Variants in BCAS3 observed in about 807,000 individuals in gnomAD.
BCAS3 encodes the protein BCAS3 microtubule associated cell migration factor, also known as BCAS4/BCAS3 fusion.
Under a neutral mutation model 116.1 loss-of-function variants are expected in BCAS3, and 53 were observed. The ratio of observed to expected loss-of-function variants is 0.46; its 90% CI spans 0.37 to 0.57. The LOEUF (loss-of-function observed/expected upper bound fraction) is 0.57, where lower values mean the gene tolerates loss of function less well. Among genes scored for constraint, BCAS3 ranks in the 20% least tolerant of loss-of-function variants. BCAS3 has a pLI of 0.00. For missense variants in BCAS3, 917 were observed against 1,165.4 expected (o/e 0.79, Z 3.10); for synonymous variants, 391 against 408.2 (o/e 0.96, Z 0.51).
Position 61,368,327 on chromosome 17 carries a change from G to T in BCAS3, c.2426G>T (p.Gly809Val), listed in dbSNP as rs775141966. 3 of 1,592,158 alleles carry T rather than the reference G, an allele frequency of 1.9e-6. No homozygotes were observed. The highest frequency in any genetic ancestry group is 2.6e-6 in the Non-Finnish European group (3 of 1,163,192). The change falls in exon 23 of 24, where the codon GGT (glycine) becomes GTT (valine). Residue 809 changes from glycine to valine, a missense_variant and splice_region_variant. Coordinates refer to ENST00000407086, the MANE Select transcript of BCAS3 (RefSeq NM_017679.5). The surrounding 1 kb of genome is among the most constrained non-coding windows in gnomAD (Gnocchi z 6.0). ...GVSTVIDAASGTFDRSVTLLE... is the reference protein window; with the variant it reads ...GVSTVIDAASVTFDRSVTLLE... The stretch of plus-strand genomic sequence containing the variant: ...GTCAGATGTCCCGTGTGTGCCACAG[G>T]TACCTTTGACAGGAGCGTGACCCTG...
chr17:61,003,350 T>A (rs2064397708), intron 15 of BCAS3, among the ~76,000 whole-genome samples: 1 of 151,464 alleles, frequency 6.6e-6, no homozygotes, highest in South Asian at 2.1e-4. Context: ...ATTTTGAAGC[T>A]TTTTTGTGCT....
At position 60,774,294 on chromosome 17, in the gene BCAS3, T is replaced by G. The variant is rs902618397; in HGVS notation, c.403+27015T>G. 5.3e-5 allele frequency among the ~76,000 whole-genome samples: 8 copies of G among 152,302 alleles called. 1 individual carries two copies. The South Asian group carries it at 1.7e-3, about 32-fold the overall frequency. On this transcript the variant is annotated intron_variant, in intron 6 of 23. Transcript: ENST00000407086. Reference sequence around the variant, plus strand: ...AGACACTGCATTTTTCACTTACAATTTGCGTGTACATGTGCATGTGTGTGT... The same window carrying G: ...AGACACTGCATTTTTCACTTACAATGTGCGTGTACATGTGCATGTGTGTGT...
Position 60,978,643 on chromosome 17 carries a change from G to A in BCAS3, c.1222-11328G>A, listed in dbSNP as rs1461249522. Among the ~76,000 whole-genome samples the A allele has an allele frequency of 2.6e-5, 4 of 152,280 alleles. No homozygotes were observed. In the South Asian group the frequency reaches 6.2e-4, roughly 24 times the overall value. On this transcript the variant is annotated intron_variant, in intron 14 of 23. Coordinates refer to ENST00000407086, the MANE Select transcript of BCAS3 (RefSeq NM_017679.5). ...GGGTTTTTATGGTTTTAGGTCTAATGTTTAAGTCTTTAATCCATCCTGAAT... is the reference window on the plus strand; with the variant it reads ...GGGTTTTTATGGTTTTAGGTCTAATATTTAAGTCTTTAATCCATCCTGAAT...
At position 61,380,691 on chromosome 17, in the gene BCAS3, G is replaced by A; in HGVS notation, c.2594-11286G>A. The A allele has an allele frequency of 2.3e-6, 2 of 887,684 alleles. No individual in the cohort carries two copies. The highest frequency in any genetic ancestry group is 1.8e-6 in the Non-Finnish European group (1 of 562,052). 55.0% of individuals were successfully genotyped at this position (887,684 alleles called of 1,614,324 possible). On this transcript the variant is annotated intron_variant, in intron 23 of 23. Transcript: ENST00000407086. The surrounding 1 kb of genome is among the most constrained non-coding windows in gnomAD (Gnocchi z 4.2). Reference sequence around the variant, plus strand: ...GCCCAGGAGCACTCTAGGGAGGGCAGGGGTCAGCTCAGATGGGAGGTCTCT... The same window carrying A: ...GCCCAGGAGCACTCTAGGGAGGGCAAGGGTCAGCTCAGATGGGAGGTCTCT...
rs886139143 is a variant in BCAS3, at chr17:60,829,307, A to G, written c.476+21231A>G. Among the ~76,000 whole-genome samples, 3 of 152,076 alleles carry G rather than the reference A, an allele frequency of 2.0e-5. No homozygotes were observed. In the East Asian group the frequency reaches 5.8e-4, roughly 29 times the overall value. On this transcript the variant is annotated intron_variant, in intron 7 of 23. Coordinates refer to ENST00000407086, the MANE Select transcript of BCAS3 (RefSeq NM_017679.5). ...CAGGAGTTCAAGACCAGCCTGGCCAACATGGTGAAACCCTCTCTCTACTAA... is the reference window on the plus strand; with the variant it reads ...CAGGAGTTCAAGACCAGCCTGGCCAGCATGGTGAAACCCTCTCTCTACTAA...
At chr17:60,892,983 T>C (rs1247367125) in intron 10 of BCAS3, among the ~76,000 whole-genome samples, 1 of 151,996 alleles carries the variant, frequency 6.6e-6, no homozygotes, top group African/African-American at 2.4e-5. Flanking sequence ...CTTGGTGTGG[T>C]TTTAAGTTGC....
chr17:60,775,903 T>C (rs8078754), intron 6 of BCAS3, among the ~76,000 whole-genome samples: 35,264 of 152,072 alleles, frequency 0.23, 7,275 homozygotes, highest in African/African-American at 0.56. Flanking sequence ...ATGCATTCAT[T>C]GAGAAGAAAT....
At position 61,077,139 on chromosome 17, in the gene BCAS3, A is replaced by AG; in HGVS notation, c.2131-1194_2131-1193insG. Among the ~76,000 whole-genome samples the AG allele has an allele frequency of 7.4e-6, 1 of 135,470 alleles. No individual in the cohort carries two copies. The highest frequency in any genetic ancestry group is 3.3e-5 in the African/African-American group (1 of 30,158). 88.9% of individuals were successfully genotyped at this position (135,470 alleles called of 152,430 possible). On this transcript the variant is annotated intron_variant, in intron 20 of 23. Coordinates refer to ENST00000407086, the MANE Select transcript of BCAS3 (RefSeq NM_017679.5). This position sits in a 1 kb window ranked among gnomAD's most constrained non-coding sequence, Gnocchi z 4.3. ...CTCTCATTCGAGTTGATTATTTGTAAAAAAAAAAAAAAATCATGTAATATA... is the reference window on the plus strand; with the variant it reads ...CTCTCATTCGAGTTGATTATTTGTAAGAAAAAAAAAAAAATCATGTAATATA...
intron 14 of BCAS3, among the ~76,000 whole-genome samples, chr17:60,948,485 A>C (rs2060649158): frequency 6.6e-6 from 1 of 152,152 alleles, no homozygotes; most frequent in African/African-American, 2.4e-5. Flanking sequence ...TAATCGCTTA[A>C]AATCTCAAAC....
intron 5 of BCAS3, among the ~76,000 whole-genome samples, chr17:60,713,487 C>T (rs889295214): frequency 3.9e-5 from 6 of 152,026 alleles, no homozygotes; most frequent in South Asian, 2.1e-4. Context: ...CCTCTATATA[C>T]GTGTGTTGCG....
chr17:61,280,213 A>G (rs759213878), intron 22 of BCAS3, among the ~76,000 whole-genome samples: 2 of 152,230 alleles, frequency 1.3e-5, no homozygotes, highest in African/African-American at 2.4e-5. Context: ...TGGTACCATT[A>G]TCTCCTCACT....
chr17:60,775,582 C>CT (rs5821297), intron 6 of BCAS3, among the ~76,000 whole-genome samples: 11 of 148,140 alleles, frequency 7.4e-5, no homozygotes, highest in Non-Finnish European at 1.5e-4. Flanking sequence ...TTCAGAATTT[C>CT]TTTTTTTTTT....
chr17:61,070,082 T>G (rs1201582851), intron 19 of BCAS3: 3 of 1,580,524 alleles, frequency 1.9e-6, no homozygotes, highest in Admixed American at 1.7e-5. Context: ...AGAAACAAGC[T>G]TGACCACTAT....
intron 12 of BCAS3, among the ~76,000 whole-genome samples, chr17:60,914,608 A>C (rs568849367): frequency 6.6e-6 from 1 of 152,312 alleles, no homozygotes; most frequent in South Asian, 2.1e-4. Context: ...TTTGAACTGC[A>C]CAGGTCTACT....
intron 22 of BCAS3, among the ~76,000 whole-genome samples, chr17:61,100,261 G>C (rs1237995300): frequency 6.6e-6 from 1 of 152,142 alleles, no homozygotes; most frequent in Non-Finnish European, 1.5e-5. Flanking sequence ...TCTACCTAAA[G>C]AGGAAATAGC....
intron 14 of BCAS3, among the ~76,000 whole-genome samples, chr17:60,975,217 G>A (rs2062251073): frequency 6.6e-6 from 1 of 151,660 alleles, no homozygotes; most frequent in Admixed American, 6.6e-5. Flanking sequence ...TAGCCAGGAT[G>A]GTCTCGATCT....
chr17:61,357,548 A>G (rs2058222266), intron 22 of BCAS3, among the ~76,000 whole-genome samples: 1 of 149,202 alleles, frequency 6.7e-6, no homozygotes, highest in Admixed American at 6.6e-5. Flanking sequence ...GGGTTCAAGC[A>G]GTTCTCTGCC....
chr17:61,338,286 T>G (rs939275964), intron 22 of BCAS3, among the ~76,000 whole-genome samples: 8 of 152,246 alleles, frequency 5.3e-5, no homozygotes, highest in African/African-American at 1.9e-4. Flanking sequence ...GCAGTATTTT[T>G]GGCCACCGCT....
At chr17:60,881,835 TA>T (rs1162031843) in intron 9 of BCAS3, among the ~76,000 whole-genome samples, 1 of 147,038 alleles carries the variant, frequency 6.8e-6, no homozygotes, top group Non-Finnish European at 1.5e-5. Context: ...TAATCCAGTC[TA>T]TCATTGTTGG....
Sources: allele counts gnomAD v4.1 joint callset (sites outside exome capture counted in the v4.1 genomes callset), GRCh38; gene constraint gnomAD v4.1.1; non-coding constraint Gnocchi (gnomAD v3.1); transcripts MANE v1.5; gene names NCBI Gene and HGNC (gene_info 2026-07-23, HGNC 2026-07-21).